Variants in FCF1 observed in about 807,000 individuals in gnomAD.
The protein encoded by FCF1 is FCF1 rRNA-processing protein, also known as rRNA-processing protein FCF1 homolog.
FCF1 carries 17 observed loss-of-function variants against 32.5 expected under a neutral mutation model. The observed-to-expected ratio is 0.52, with a 90% CI of 0.36 to 0.78. FCF1 has a LOEUF of 0.78. FCF1 is among the 30% of genes least tolerant of loss of function. The probability of loss-of-function intolerance (pLI) is 0.00; values close to 1 mark genes in which losing one functional copy is unlikely to be tolerated. For missense variants in FCF1, 201 were observed against 241.1 expected (o/e 0.83, Z 1.10); for synonymous variants, 84 against 78.4 (o/e 1.07, Z -0.38).
chr14:74,727,089 C>T (rs1234112535), intron 5 of FCF1, among the ~76,000 whole-genome samples: 2 of 152,112 alleles, frequency 1.3e-5, no homozygotes, highest in African/African-American at 4.8e-5. Flanking sequence ...GCCTTTATAG[C>T]AGCATGATTT....
intron 5 of FCF1, among the ~76,000 whole-genome samples, chr14:74,727,213 A>G (rs1356980804): frequency 6.6e-6 from 1 of 152,236 alleles, no homozygotes; most frequent in Non-Finnish European, 1.5e-5. Flanking sequence ...ACTAGTTTAC[A>G]GTCCTGCCAA....
intron 5 of FCF1, 64 bp from the exon 6 acceptor site, chr14:74,732,667 T>C (rs1196618949): frequency 1.4e-5 from 15 of 1,045,224 alleles, no homozygotes; most frequent in Non-Finnish European, 2.2e-5. Context: ...GTTACTTTTA[T>C]TGCATTAATT....
intron 4 of FCF1, among the ~76,000 whole-genome samples, chr14:74,719,668 G>A (rs909309198): frequency 6.6e-6 from 1 of 152,062 alleles, no homozygotes; most frequent in African/African-American, 2.4e-5. Context: ...GGGAGGCTGA[G>A]GTGGGAGGAT....
chr14:74,713,229 T>A (rs1484272903), intron 1 of FCF1, 29 bp downstream of exon 1: 1 of 1,614,200 alleles, frequency 6.2e-7, no homozygotes. Context: ...AGAAGGGACG[T>A]TATCAGGCCA....
intron 4 of FCF1, among the ~76,000 whole-genome samples, chr14:74,716,998 TAAGAA>T (rs2090429519): frequency 6.8e-6 from 1 of 146,474 alleles, no homozygotes; most frequent in Non-Finnish European, 1.5e-5. Context: ...TGTGAAGGGG[TAAGAA>T]AGCAGATTCT....
Position 74,723,719 on chromosome 14 carries a change from T to G in FCF1, c.365+375T>G, listed in dbSNP as rs554688906. Among the ~76,000 whole-genome samples the G allele has an allele frequency of 4.0e-3, 605 of 151,752 alleles. 1 individual carries two copies. The highest frequency in any genetic ancestry group is 7.1e-3 in the Non-Finnish European group (480 of 67,906). ...GGCAGGTGCCTGTAATCCCAGCTAC[T>G]TGGGAGGCTTAAGCAGGAGAATCGC... On this transcript the variant is annotated intron_variant, in intron 5 of 7. Transcript: ENST00000341162.
chr14:74,734,170 G>A lies in FCF1; in HGVS notation c.548G>A (p.Arg183Lys). 6.3e-7 allele frequency: 1 copy of A among 1,594,030 alleles called. No homozygotes were observed. Among genetic ancestry groups the A allele is most frequent in the East Asian group, 2.2e-5 (1 of 44,768 alleles). ...GVPIMYISNH[R>K]YNIERMPDDY... Reference sequence around the variant, plus strand: ...CCTATCATGTACATTTCTAACCATAGGTGAGAAATTTCCCTTGGAGAAGGG... The same window carrying A: ...CCTATCATGTACATTTCTAACCATAAGTGAGAAATTTCCCTTGGAGAAGGG... Residue 183 changes from arginine (R) to lysine (K), a missense_variant and splice_region_variant, in exon 7 of 8, where the codon AGA (arginine) becomes AAA (lysine). By Grantham distance (26) the Arg-to-Lys change is conservative. Around this residue, in one of 3 missense-constraint regions of FCF1, gnomAD observed 121 missense variants for 147.8 expected, o/e 0.82. Transcript: ENST00000341162.
At chr14:74,724,824 G>A (rs528043367) in intron 5 of FCF1, among the ~76,000 whole-genome samples, 6 of 152,062 alleles carry the variant, frequency 3.9e-5, no homozygotes, top group Admixed American at 3.9e-4. Context: ...AAGATTGCTT[G>A]AGCCCAGGAG....
At position 74,726,228 on chromosome 14, in the gene FCF1, G is replaced by A. The variant is rs1308773170; in HGVS notation, c.365+2884G>A. On this transcript the variant is annotated intron_variant, in intron 5 of 7. Coordinates refer to ENST00000341162, the MANE Select transcript of FCF1 (RefSeq NM_015962.5). ...CAGTCAGGCACTGTGGCTCACTCCTGTAATCCCAGCAGTATTGGGAGCCCG... is the reference window on the plus strand; with the variant it reads ...CAGTCAGGCACTGTGGCTCACTCCTATAATCCCAGCAGTATTGGGAGCCCG... Among the ~76,000 whole-genome samples, 3 of 151,920 alleles carry A rather than the reference G, an allele frequency of 2.0e-5. No homozygotes were observed. The East Asian group carries it at 5.8e-4, about 29-fold the overall frequency.
At chr14:74,727,915 G>T (rs1220565192) in intron 5 of FCF1, among the ~76,000 whole-genome samples, 1 of 152,132 alleles carries the variant, frequency 6.6e-6, no homozygotes, top group Admixed American at 6.6e-5. Context: ...GATAGTTGTA[G>T]ATATGCGGCG....
intron 5 of FCF1, among the ~76,000 whole-genome samples, chr14:74,729,709 C>T (rs370631571): frequency 2.0e-4 from 31 of 152,040 alleles, no homozygotes; most frequent in African/African-American, 7.2e-4. Flanking sequence ...TGTCAATTTT[C>T]GATCTTTCCT....
intron 2 of FCF1, 119 bp from the exon 3 acceptor site, chr14:74,714,753 A>T (rs769009018): frequency 2.2e-6 from 3 of 1,343,140 alleles, no homozygotes; most frequent in Non-Finnish European, 3.0e-6. Flanking sequence ...TGAGGATATC[A>T]CAAAGTAGGA....
intron 5 of FCF1, 101 bp from the exon 6 acceptor site, chr14:74,732,630 G>A: frequency 2.6e-6 from 2 of 782,084 alleles, no homozygotes; most frequent in South Asian, 1.6e-5. Flanking sequence ...GAGGAGAACA[G>A]TGCCTTAAAA....
intron 4 of FCF1, among the ~76,000 whole-genome samples, chr14:74,717,967 C>A (rs1248180859): frequency 1.3e-5 from 2 of 152,160 alleles, no homozygotes; most frequent in Non-Finnish European, 2.9e-5. Flanking sequence ...CTCCGCCTCC[C>A]AGGTTCAAGC....
At chr14:74,715,352 A>G (rs1347254821) in intron 3 of FCF1, among the ~76,000 whole-genome samples, 3 of 152,112 alleles carry the variant, frequency 2.0e-5, no homozygotes, top group African/African-American at 7.2e-5. Flanking sequence ...CCTTTTAAGT[A>G]AGTACATTTA....
At chr14:74,734,773 A>G (rs2090684579) in intron 7 of FCF1, 109 bp from the exon 8 acceptor site, 2 of 837,608 alleles carry the variant, frequency 2.4e-6, no homozygotes, top group African/African-American at 1.7e-5. Context: ...TTCCACTGAC[A>G]AAAAGGATTC....
At chr14:74,715,804 C>T (rs2090410258) in intron 3 of FCF1, 147 bp from the exon 4 acceptor site, 2 of 1,569,064 alleles carry the variant, frequency 1.3e-6, no homozygotes, top group South Asian at 1.1e-5. Flanking sequence ...TACTTTCTTC[C>T]TTGCCTTCCT....
At position 74,713,516 on chromosome 14, in the gene FCF1, C is replaced by A; in HGVS notation, c.35C>A (p.Thr12Asn). ...CAAAAGAAAACAAGGAAGTATGCGA[C>A]CATGAAGCGAATGCTTAGTCTCAGA... ...GKQKKTRKYA[T>N]MKRMLSLRDQ... Residue 12 changes from threonine (T) to asparagine (N), a missense_variant, in exon 2 of 8, where the codon ACC becomes AAC. Thr to Asn is a moderately conservative substitution (Grantham distance 65). Transcript: ENST00000341162. 1 of 1,612,316 alleles carries A rather than the reference C, an allele frequency of 6.2e-7. No homozygotes were observed. Among genetic ancestry groups the A allele is most frequent in the South Asian group, 1.1e-5 (1 of 90,996 alleles).
intron 5 of FCF1, among the ~76,000 whole-genome samples, chr14:74,729,666 G>C (rs1038066709): frequency 6.6e-6 from 1 of 152,016 alleles, no homozygotes; most frequent in Admixed American, 6.6e-5. Flanking sequence ...GTTTGCTCTT[G>C]TTTTTCTAGT....
Sources: allele counts gnomAD v4.1 joint callset (sites outside exome capture counted in the v4.1 genomes callset), GRCh38; gene constraint gnomAD v4.1.1; regional missense constraint gnomAD v4.1.1; transcripts MANE v1.5; gene names NCBI Gene and HGNC (gene_info 2026-07-23, HGNC 2026-07-21).